The following PTPRM variants were observed in gnomAD, a reference collection of about 807,000 sequenced individuals.
PTPRM encodes protein tyrosine phosphatase receptor type M.
A neutral mutation model predicts 186.7 loss-of-function variants in PTPRM; 47 were observed. The observed-to-expected ratio is 0.25, with a 90% CI of 0.20 to 0.32. PTPRM has a LOEUF of 0.32. PTPRM is among the 10% of genes least tolerant of loss of function. PTPRM has a pLI of 1.00. For synonymous variants in PTPRM, 668 were observed against 674.9 expected (o/e 0.99, Z 0.16); for missense variants, 1,494 against 1,865.0 (o/e 0.80, Z 3.66).
At chr18:8,103,823 A>G (rs896242678) in intron 11 of PTPRM, among the ~76,000 whole-genome samples, 5 of 152,146 alleles carry the variant, frequency 3.3e-5, no homozygotes, top group East Asian at 1.9e-4. Flanking sequence ...GGCTTTTGAC[A>G]TGCCTTCCTC....
In PTPRM at chr18:8,052,317, T is replaced by TG. The variant is rs1210764068; in HGVS notation, c.1133-17368dup. ...TAGAGAGTTTTATAGGGTCATGTGT[T>TG]GCATAATGACATTTTGGTCAACCGC... On this transcript the variant is annotated intron_variant, in intron 7 of 32. Transcript: ENST00000580170. 1.4e-4 allele frequency among the ~76,000 whole-genome samples: 21 copies of TG among 152,216 alleles called. 1 individual carries two copies. Among genetic ancestry groups the TG allele is most frequent in the South Asian group, 6.2e-4 (3 of 4,830 alleles).
chr18:8,122,549 T>C (rs2092212846), intron 13 of PTPRM, among the ~76,000 whole-genome samples: 1 of 152,226 alleles, frequency 6.6e-6, no homozygotes, highest in Non-Finnish European at 1.5e-5. Context: ...GTGTGTTTGG[T>C]CTGTTGGTAT....
chr18:7,748,023 G>A (rs561708036), intron 1 of PTPRM, among the ~76,000 whole-genome samples: 18 of 152,306 alleles, frequency 1.2e-4, no homozygotes, highest in African/African-American at 4.3e-4. Flanking sequence ...CCAACATACT[G>A]CCTTCTTCTA....
chr18:7,979,679 G>A (rs946529000), intron 7 of PTPRM, among the ~76,000 whole-genome samples: 1 of 152,214 alleles, frequency 6.6e-6, no homozygotes, highest in South Asian at 2.1e-4. Flanking sequence ...ATACAAAGTC[G>A]AAAAATGAGA....
intron 7 of PTPRM, among the ~76,000 whole-genome samples, chr18:8,015,159 C>A (rs192100883): frequency 6.6e-6 from 1 of 152,228 alleles, no homozygotes; most frequent in African/African-American, 2.4e-5. Context: ...GGAACAGATT[C>A]TCCATCACCA....
At chr18:7,573,473 G>A (rs1440959777) in intron 1 of PTPRM, among the ~76,000 whole-genome samples, 2 of 152,168 alleles carry the variant, frequency 1.3e-5, no homozygotes, top group African/African-American at 4.8e-5. Context: ...GCCCAGCTGT[G>A]GTGATTCTGA....
In PTPRM at chr18:7,628,670, A is replaced by G. The variant is rs143304386; in HGVS notation, c.73+60779A>G. On this transcript the variant is annotated intron_variant, in intron 1 of 32. Coordinates refer to ENST00000580170, the MANE Select transcript of PTPRM (RefSeq NM_001105244.2). Reference sequence around the variant, plus strand: ...TAACATTTCAATTCTAGTTTTGTCCATGACTGTTAATAATTCAGTCATTCA... The same window carrying G: ...TAACATTTCAATTCTAGTTTTGTCCGTGACTGTTAATAATTCAGTCATTCA... 5.6e-3 allele frequency among the ~76,000 whole-genome samples: 855 copies of G among 152,158 alleles called. 9 individuals are homozygous for G. Among genetic ancestry groups the G allele is most frequent in the African/African-American group, 0.02 (820 of 41,502 alleles).
At chr18:8,148,316 C>T (rs2092929803) in intron 14 of PTPRM, among the ~76,000 whole-genome samples, 1 of 152,104 alleles carries the variant, frequency 6.6e-6, no homozygotes, top group South Asian at 2.1e-4. Flanking sequence ...ATTACTGCCT[C>T]AATTTCAGAA....
At chr18:8,204,622 G>A (rs1238539321) in intron 14 of PTPRM, among the ~76,000 whole-genome samples, 2 of 152,034 alleles carry the variant, frequency 1.3e-5, no homozygotes, top group African/African-American at 4.8e-5. Flanking sequence ...GCAAAAGAAG[G>A]GGAGCCATGT....
At chr18:8,223,802 G>A (rs2094182458) in intron 14 of PTPRM, among the ~76,000 whole-genome samples, 1 of 152,182 alleles carries the variant, frequency 6.6e-6, no homozygotes, top group Non-Finnish European at 1.5e-5. Flanking sequence ...TATGGTGGGG[G>A]GAGTGATAGG....
chr18:7,963,441 G>C (rs1217612108), intron 7 of PTPRM, among the ~76,000 whole-genome samples: 1 of 152,238 alleles, frequency 6.6e-6, no homozygotes, highest in Admixed American at 6.5e-5. Context: ...GATGGAGGTG[G>C]TTGTTCATAG....
At chr18:8,289,434 G>GTATATA (rs1209753135) in intron 19 of PTPRM, among the ~76,000 whole-genome samples, 1 of 124,874 alleles carries the variant, frequency 8.0e-6, no homozygotes, top group Non-Finnish European at 1.6e-5. Context: ...GTATATATAT[G>GTATATA]TATATATACG....
At chr18:8,378,520 C>G (rs2095710553) in intron 27 of PTPRM, 106 bp downstream of exon 27, 1 of 1,378,074 alleles carries the variant, frequency 7.3e-7, no homozygotes, top group Non-Finnish European at 9.9e-7. Context: ...TCCTTGGCCT[C>G]CATAGCACTG....
At chr18:8,013,076 C>G (rs777666593) in intron 7 of PTPRM, among the ~76,000 whole-genome samples, 1 of 151,916 alleles carries the variant, frequency 6.6e-6, no homozygotes, top group African/African-American at 2.4e-5. Context: ...AAGTAAGTCC[C>G]CTATCTTGGT....
chr18:7,904,353 A>G (rs1275946505), intron 3 of PTPRM, among the ~76,000 whole-genome samples: 1 of 152,152 alleles, frequency 6.6e-6, no homozygotes, highest in Non-Finnish European at 1.5e-5. Context: ...TGACGATGCT[A>G]AACAATTCCA....
At chr18:7,858,867 C>T (rs922153298) in intron 2 of PTPRM, among the ~76,000 whole-genome samples, 6 of 152,112 alleles carry the variant, frequency 3.9e-5, no homozygotes, top group African/African-American at 1.4e-4. Context: ...ACAAGTCCTC[C>T]CAGAGCTGAT....
intron 22 of PTPRM, among the ~76,000 whole-genome samples, chr18:8,324,617 G>A (rs1440677150): frequency 6.6e-6 from 1 of 152,132 alleles, no homozygotes; most frequent in Non-Finnish European, 1.5e-5. Flanking sequence ...CTGGTGTTTG[G>A]TAAATAGTAA....
At chr18:7,683,458 C>T (rs2039525979) in intron 1 of PTPRM, among the ~76,000 whole-genome samples, 1 of 152,194 alleles carries the variant, frequency 6.6e-6, no homozygotes. Context: ...TAGGCGTGAG[C>T]CACTGTGCCC....
Position 8,378,210 on chromosome 18 carries a change from T to C in PTPRM, c.3463-55T>C, listed in dbSNP as rs2148496512. 4.6e-6 allele frequency: 7 copies of C among 1,519,026 alleles called. No individual in the cohort carries two copies. The East Asian group carries it at 1.6e-4, about 34-fold the overall frequency. The allele number at this position is 1,519,026 out of a possible 1,614,324, so 94.1% of individuals were successfully genotyped here. A position where few individuals can be genotyped will look rare whatever the true frequency, so the allele number is the denominator to read the frequency against. On this transcript the variant is annotated intron_variant, in intron 26 of 32. Transcript: ENST00000580170. ...ATGTGGGGCTAAAATTGATACCGTC[T>C]TTCCTCCTTCTCTGGTTCTCTAAAG...
Sources: allele counts gnomAD v4.1 joint callset (sites outside exome capture counted in the v4.1 genomes callset), GRCh38; gene constraint gnomAD v4.1.1; transcripts MANE v1.5; gene names NCBI Gene and HGNC (gene_info 2026-07-23, HGNC 2026-07-21).